Variants in NPIPB2 observed in about 807,000 individuals in gnomAD.
NPIPB2 encodes the protein nuclear pore complex-interacting protein family member B2.
NPIPB2 carries 27 observed loss-of-function variants against 30.8 expected under a neutral mutation model. The observed-to-expected ratio is 0.88, with a 90% CI of 0.65 to 1.21. NPIPB2 has a LOEUF of 1.21. Ranked by LOEUF, NPIPB2 falls within the 50% of genes most tolerant of loss-of-function variation. The pLI is 0.00. For missense variants in NPIPB2, 440 were observed against 446.2 expected (o/e 0.99, Z 0.13); for synonymous variants, 147 against 162.0 (o/e 0.91, Z 0.70).
At chr16:11,967,613 C>A in intron 1 of NPIPB2, 1 of 1,614,068 alleles carries the variant, frequency 6.2e-7, no homozygotes, top group Non-Finnish European at 8.5e-7. Flanking sequence ...TGGAAAAGAG[C>A]AGGACTGGTG....
intron 1 of NPIPB2, among the ~76,000 whole-genome samples, chr16:11,951,304 A>T (rs79454719): frequency 3.5e-5 from 5 of 144,478 alleles, no homozygotes; most frequent in South Asian, 4.4e-4. Flanking sequence ...AAAAATATAT[A>T]AAAAAAAAAA....
intron 2 of NPIPB2, among the ~76,000 whole-genome samples, chr16:11,934,305 G>A (rs943052463): frequency 2.2e-4 from 33 of 150,412 alleles, no homozygotes; most frequent in African/African-American, 7.9e-4. Context: ...TGTAATCCCA[G>A]CACTTTGGGA....
intron 1 of NPIPB2, among the ~76,000 whole-genome samples, chr16:11,947,645 C>A (rs925888041): frequency 1.3e-5 from 2 of 151,376 alleles, no homozygotes; most frequent in Non-Finnish European, 2.9e-5. Flanking sequence ...CTCCTGGCCA[C>A]ATATACATAT....
At chr16:11,945,511 C>T (rs187032169), upstream of NPIPB2, among the ~76,000 whole-genome samples, 256 of 151,902 alleles carry the variant, frequency 1.7e-3, 2 homozygotes, top group Admixed American at 4.2e-3. Context: ...CCCATCTCTA[C>T]TAAAAATACA....
intron 2 of NPIPB2, among the ~76,000 whole-genome samples, chr16:11,934,226 T>TCACACACACA (rs766087820): frequency 0.041 from 4,980 of 121,094 alleles, 134 homozygotes; most frequent in Non-Finnish European, 0.058. Flanking sequence ...TGAGACTCTG[T>TCACACACACA]CACACACACA....
At chr16:11,967,072 C>G (rs577748657) in intron 1 of NPIPB2, 7 of 223,550 alleles carry the variant, frequency 3.1e-5, no homozygotes, top group South Asian at 3.1e-4. Flanking sequence ...GTGATCTCAA[C>G]TCACTGCAGC....
intron 1 of NPIPB2, among the ~76,000 whole-genome samples, chr16:11,959,219 G>C (rs532042593): frequency 2.0e-5 from 3 of 152,214 alleles, no homozygotes; most frequent in African/African-American, 7.2e-5. Flanking sequence ...GGCAAACACA[G>C]CACTCTTTTG....
intron 1 of NPIPB2, among the ~76,000 whole-genome samples, chr16:11,938,615 G>C (rs911189662): frequency 1.3e-5 from 2 of 151,964 alleles, no homozygotes; most frequent in African/African-American, 4.8e-5. Context: ...ACAGGCATGA[G>C]CCACTGTACC....
chr16:11,934,231 C>CACACAG (rs1412773074), intron 2 of NPIPB2, among the ~76,000 whole-genome samples: 1 of 143,274 alleles, frequency 7.0e-6, no homozygotes, highest in Non-Finnish European at 1.5e-5. Flanking sequence ...CTCTGTCACA[C>CACACAG]ACACACACAC....
At chr16:11,949,770 G>A (rs527917066) in intron 1 of NPIPB2, among the ~76,000 whole-genome samples, 2 of 152,122 alleles carry the variant, frequency 1.3e-5, no homozygotes, top group Non-Finnish European at 2.9e-5. Flanking sequence ...CTTTAACACC[G>A]TTTAGGATTT....
chr16:11,954,785 G>A (rs1034835896), intron 1 of NPIPB2, among the ~76,000 whole-genome samples: 5 of 151,050 alleles, frequency 3.3e-5, no homozygotes, highest in Non-Finnish European at 5.9e-5. Flanking sequence ...GCAGGAGCCT[G>A]TAGTCCCAGC....
intron 1 of NPIPB2, among the ~76,000 whole-genome samples, chr16:11,949,643 T>C (rs1234036361): frequency 1.3e-5 from 2 of 152,222 alleles, no homozygotes; most frequent in Non-Finnish European, 2.9e-5. Context: ...CAGGCTCTTT[T>C]AGCCAAGCCC....
intron 4 of NPIPB2, among the ~76,000 whole-genome samples, chr16:11,932,998 T>C (rs1179536875): frequency 2.0e-5 from 3 of 148,518 alleles, no homozygotes; most frequent in Admixed American, 6.8e-5. Context: ...TGGTGGCTCA[T>C]GCCTCTAATC....
chr16:11,941,223 G>C, intron 1 of NPIPB2: 2 of 1,528,036 alleles, frequency 1.3e-6, no homozygotes, highest in Non-Finnish European at 1.8e-6. Flanking sequence ...GGAGCCAAAA[G>C]AGCATCCACA....
chr16:11,974,122 C>T (rs1191628254), intron 1 of NPIPB2, among the ~76,000 whole-genome samples: 4 of 152,060 alleles, frequency 2.6e-5, no homozygotes, highest in South Asian at 2.1e-4. Context: ...GTGTTATGGG[C>T]GAGGCCAGAG....
At chr16:11,964,753 G>C (rs752345757) in intron 1 of NPIPB2, among the ~76,000 whole-genome samples, 4 of 152,140 alleles carry the variant, frequency 2.6e-5, no homozygotes, top group Non-Finnish European at 5.9e-5. Context: ...TGTAAAGTCA[G>C]GGTTTCGCCA....
chr16:11,940,759 A>T (rs1312516770), intron 1 of NPIPB2, among the ~76,000 whole-genome samples: 1,377 of 22,208 alleles, frequency 0.062, 31 homozygotes, highest in African/African-American at 0.18. Flanking sequence ...GACTCTGTCT[A>T]AAAAAAAAAA....
chr16:11,944,569 C>T (rs542722219), upstream of NPIPB2, among the ~76,000 whole-genome samples: 198 of 150,672 alleles, frequency 1.3e-3, 1 homozygote, highest in African/African-American at 4.2e-3. Flanking sequence ...TTAAGACCAG[C>T]CTGACCAACA....
rs759412084 is a variant in NPIPB2 at position 11,933,651 on chromosome 16, A to C, written c.354T>G (p.Ile118Met). 3 of 1,596,784 alleles carry C rather than the reference A, an allele frequency of 1.9e-6. No individual in the cohort carries two copies. The South Asian group carries it at 3.3e-5, about 18-fold the overall frequency. ...GTAGAGTAATGACGTCTTTCAGGCCAATTTTATTTCCTGGAAAGGAAGAAA... is the reference window on the plus strand; with the variant it reads ...GTAGAGTAATGACGTCTTTCAGGCCCATTTTATTTCCTGGAAAGGAAGAAA... Residue 118 changes from isoleucine (I) to methionine (M), a missense_variant, in exon 4 of 8, where the codon ATT becomes ATG. This residue lies in a region of NPIPB2 where 252 missense variants were observed against 233.0 expected (regional missense o/e 1.08). Coordinates refer to ENST00000399147, the Ensembl canonical transcript of NPIPB2.
Sources: allele counts gnomAD v4.1 joint callset (sites outside exome capture counted in the v4.1 genomes callset), GRCh38; gene constraint gnomAD v4.1.1; regional missense constraint gnomAD v4.1.1; transcripts MANE v1.5; gene names NCBI Gene and HGNC (gene_info 2026-07-23, HGNC 2026-07-21).